The following OSBPL10 variants were observed in gnomAD, a reference collection of about 807,000 sequenced individuals.
OSBPL10 encodes oxysterol-binding protein-related protein 10.
A neutral mutation model predicts 81.7 loss-of-function variants in OSBPL10; 49 were observed. The observed-to-expected ratio is 0.60, with a 90% CI of 0.48 to 0.76. The LOEUF (loss-of-function observed/expected upper bound fraction) is 0.76, where lower values mean the gene tolerates loss of function less well. Among genes scored for constraint, OSBPL10 ranks in the 30% least tolerant of loss-of-function variants. OSBPL10 has a pLI of 0.00. For synonymous variants in OSBPL10, 419 were observed against 383.6 expected, an observed-to-expected ratio of 1.09 and a Z score of -1.08; for missense variants, 923 against 987.8, an observed-to-expected ratio of 0.93 and a Z score of 0.88.
chr3:31,662,192 C>G (rs1700086179), intron 11 of OSBPL10, 76 bp from the exon 12 acceptor site: 3 of 1,606,334 alleles, frequency 1.9e-6, no homozygotes, highest in Non-Finnish European at 1.7e-6. Context: ...ATAACCGCAG[C>G]CACTCTGTGT....
chr3:31,797,184 G>A (rs758099805), intron 4 of OSBPL10, among the ~76,000 whole-genome samples: 5 of 151,726 alleles, frequency 3.3e-5, no homozygotes, highest in East Asian at 1.9e-4. Flanking sequence ...TAGTAGAGAC[G>A]GGTTTTACCA....
chr3:32,041,952 A>T (rs1382717517), intron 2 of OSBPL10, among the ~76,000 whole-genome samples: 2 of 152,146 alleles, frequency 1.3e-5, no homozygotes, highest in Non-Finnish European at 2.9e-5. Context: ...GAGCCACTGC[A>T]CCTGGCTGAG....
chr3:31,992,537 C>T (rs1699045429), intron 2 of OSBPL10, among the ~76,000 whole-genome samples: 1 of 152,020 alleles, frequency 6.6e-6, no homozygotes, highest in Admixed American at 6.6e-5. Context: ...GGTTTTTGGC[C>T]CCTTTCAGCA....
chr3:31,750,699 AAAG>A (rs1175567240), intron 4 of OSBPL10, among the ~76,000 whole-genome samples: 1 of 152,190 alleles, frequency 6.6e-6, no homozygotes, highest in Admixed American at 6.5e-5. Flanking sequence ...CACTGAAAAG[AAAG>A]AAGAAATCAT....
At chr3:31,841,513 C>G (rs887429307) in intron 3 of OSBPL10, among the ~76,000 whole-genome samples, 2 of 152,192 alleles carry the variant, frequency 1.3e-5, no homozygotes, top group Non-Finnish European at 2.9e-5. Flanking sequence ...TTAGAAACAA[C>G]CCAGGCGAGG....
intron 4 of OSBPL10, among the ~76,000 whole-genome samples, chr3:31,813,820 A>G (rs920139914): frequency 2.0e-5 from 3 of 152,146 alleles, no homozygotes; most frequent in Non-Finnish European, 4.4e-5. Flanking sequence ...TACAGTGGGG[A>G]TGAAATTTAC....
intron 1 of OSBPL10, among the ~76,000 whole-genome samples, chr3:31,933,707 G>A (rs1316885810): frequency 6.6e-6 from 1 of 152,050 alleles, no homozygotes; most frequent in African/African-American, 2.4e-5. Flanking sequence ...AGGGCACCCA[G>A]CCTCTAAAAT....
At chr3:31,885,511 T>C (rs1695707353) in intron 1 of OSBPL10, among the ~76,000 whole-genome samples, 1 of 152,198 alleles carries the variant, frequency 6.6e-6, no homozygotes, top group Admixed American at 6.5e-5. Flanking sequence ...ATCATCTGTC[T>C]GCACAGGTAC....
At chr3:31,898,746 G>A (rs1696137781) in intron 1 of OSBPL10, among the ~76,000 whole-genome samples, 1 of 151,912 alleles carries the variant, frequency 6.6e-6, no homozygotes, top group African/African-American at 2.4e-5. Flanking sequence ...CCACAAAGAA[G>A]TCTTGTTTGC....
chr3:31,911,560 T>C (rs1196073505), intron 1 of OSBPL10, among the ~76,000 whole-genome samples: 1 of 152,026 alleles, frequency 6.6e-6, no homozygotes. Context: ...AGAAGAAGAA[T>C]TGTCTTGGGC....
chr3:31,926,936 CCT>C (rs1401326017), intron 1 of OSBPL10, among the ~76,000 whole-genome samples: 2 of 152,192 alleles, frequency 1.3e-5, no homozygotes, highest in Admixed American at 6.5e-5. Flanking sequence ...ATGGCGAAAC[CCT>C]GTCTCTACTA....
intron 4 of OSBPL10, among the ~76,000 whole-genome samples, chr3:31,763,003 G>C (rs1159641385): frequency 6.6e-6 from 1 of 152,066 alleles, no homozygotes. Context: ...GAAGAAAGAA[G>C]ACGCTTGGGA....
At chr3:32,067,711 A>G (rs1207426132) in intron 1 of OSBPL10, among the ~76,000 whole-genome samples, 1 of 151,762 alleles carries the variant, frequency 6.6e-6, no homozygotes, top group Non-Finnish European at 1.5e-5. Context: ...AATTCTCCCC[A>G]CCCTTGAGAA....
intron 4 of OSBPL10, among the ~76,000 whole-genome samples, chr3:31,782,801 G>A (rs1478934207): frequency 6.6e-6 from 1 of 152,112 alleles, no homozygotes; most frequent in African/African-American, 2.4e-5. Context: ...ATGTTGGCAT[G>A]GATGTGGTGA....
chr3:31,824,642 C>T (rs752014951), intron 4 of OSBPL10, among the ~76,000 whole-genome samples: 6 of 152,234 alleles, frequency 3.9e-5, no homozygotes, highest in South Asian at 2.1e-4. Context: ...TTGGTTTGGA[C>T]GCAGAGTGAG....
intron 1 of OSBPL10, among the ~76,000 whole-genome samples, chr3:31,948,441 T>C (rs1697764643): frequency 2.0e-5 from 3 of 152,184 alleles, no homozygotes; most frequent in Non-Finnish European, 4.4e-5. Context: ...ACTGGGTTTA[T>C]TGTTCCCTAT....
intron 3 of OSBPL10, among the ~76,000 whole-genome samples, chr3:31,871,517 G>A (rs996698935): frequency 1.1e-4 from 17 of 152,136 alleles, no homozygotes; most frequent in Non-Finnish European, 2.4e-4. Flanking sequence ...CACCAATTCC[G>A]GACACACTGT....
At chr3:31,810,545 A>C (rs928963122) in intron 4 of OSBPL10, among the ~76,000 whole-genome samples, 1 of 152,146 alleles carries the variant, frequency 6.6e-6, no homozygotes, top group African/African-American at 2.4e-5. Context: ...ACAACTGACA[A>C]ATTATGAAGG....
At chr3:31,754,540 A>G (rs1241711832) in intron 4 of OSBPL10, among the ~76,000 whole-genome samples, 1 of 152,172 alleles carries the variant, frequency 6.6e-6, no homozygotes, top group Non-Finnish European at 1.5e-5. Flanking sequence ...TATACTATAA[A>G]CCAAAGGAAA....
Sources: gnomAD v4.1 joint callset for allele counts (sites outside exome capture counted in the v4.1 genomes callset) on GRCh38, gnomAD v4.1.1 for gene constraint, MANE v1.5 for transcripts, NCBI Gene and HGNC (gene_info 2026-07-23, HGNC 2026-07-21) for gene names.